Variants in LEO1 observed in about 807,000 individuals in gnomAD.
LEO1 encodes RNA polymerase-associated protein LEO1.
A neutral mutation model predicts 80.4 loss-of-function variants in LEO1; 34 were observed. The observed-to-expected ratio is 0.42, with a 90% CI of 0.32 to 0.56. The LOEUF (loss-of-function observed/expected upper bound fraction) is 0.56, where lower values mean the gene tolerates loss of function less well. Among genes scored for constraint, LEO1 ranks in the 20% least tolerant of loss-of-function variants. The pLI, the probability that LEO1 is intolerant of heterozygous loss-of-function variation, is 0.10. For synonymous variants in LEO1, 262 were observed against 274.9 expected (o/e 0.95, Z 0.46); for missense variants, 631 against 814.2 (o/e 0.77, Z 2.74).
At chr15:51,956,483 ATGCTTTCTATT>A (rs2056990931) in intron 6 of LEO1, among the ~76,000 whole-genome samples, 1 of 152,110 alleles carries the variant, frequency 6.6e-6, no homozygotes, top group South Asian at 2.1e-4. Flanking sequence ...GTTCTAAAAA[ATGCTTTCTATT>A]ATATAAAGTG....
Position 51,966,454 on chromosome 15 carries a change from C to T in LEO1, c.109G>A (p.Gly37Ser). 1 of 1,613,338 alleles carries T rather than the reference C, an allele frequency of 6.2e-7. No homozygotes were observed. The highest frequency in any genetic ancestry group is 1.1e-5 in the South Asian group (1 of 90,980). Residue 37 changes from glycine (G) to serine (S), a missense_variant, in exon 2 of 12, where the codon GGC (glycine) becomes AGC (serine). This residue lies in a region of LEO1 where 394 missense variants were observed against 395.6 expected (regional missense o/e 1.00). Coordinates refer to ENST00000299601, the MANE Select transcript of LEO1 (RefSeq NM_138792.4). Reference sequence around the variant, plus strand: ...CTTTCACTTCCAGAGGCATTACTGCCAGAGGCAGCATTCTCTTGATCAGAA... The same window carrying T: ...CTTTCACTTCCAGAGGCATTACTGCTAGAGGCAGCATTCTCTTGATCAGAA... Reference protein sequence around the residue: ...SDSDQENAASGSNASGSESDQ... With the variant: ...SDSDQENAASSSNASGSESDQ...
intron 6 of LEO1, among the ~76,000 whole-genome samples, chr15:51,956,422 CAAAA>C (rs34613118): frequency 1.3e-5 from 1 of 78,584 alleles, no homozygotes. Flanking sequence ...GACTCCATCT[CAAAA>C]AAAAAAAAAA....
At chr15:51,946,047 AAG>A (rs968606362) in intron 11 of LEO1, among the ~76,000 whole-genome samples, 3 of 152,084 alleles carry the variant, frequency 2.0e-5, no homozygotes, top group African/African-American at 4.8e-5. Context: ...AAAAAAGAAA[AAG>A]AAAAATTCTC....
At chr15:51,951,688 T>A (rs973852028) in intron 9 of LEO1, among the ~76,000 whole-genome samples, 156 bp downstream of exon 9, 1 of 152,210 alleles carries the variant, frequency 6.6e-6, no homozygotes, top group African/African-American at 2.4e-5. Flanking sequence ...TCACCAATTG[T>A]TTGGCAAATG....
rs932797804 is a variant in LEO1, at chr15:51,938,073, G to A, written c.*83C>T. 1.0e-5 allele frequency: 7 copies of A among 667,232 alleles called. No individual in the cohort carries two copies. Among genetic ancestry groups the A allele is most frequent in the East Asian group, 3.0e-5 (1 of 33,808 alleles). The allele number at this position is 667,232 out of a possible 1,614,324, so 41.3% of individuals were successfully genotyped here. The stretch of plus-strand genomic sequence containing the variant: ...AATTAAAATTACACAAAAGCAAATC[G>A]ATTCATTTCAATCAAAATAACTCAT... On this transcript the variant is annotated 3_prime_UTR_variant, in exon 12 of 12. Coordinates refer to ENST00000299601, the MANE Select transcript of LEO1 (RefSeq NM_138792.4).
intron 11 of LEO1, among the ~76,000 whole-genome samples, chr15:51,944,894 T>C (rs4775988): frequency 0.02 from 3,065 of 152,298 alleles, 103 homozygotes; most frequent in Admixed American, 0.076. Context: ...ATTTCAGTGG[T>C]AGAAGCAGGA....
chr15:51,953,152 G>C lies in LEO1; in HGVS notation c.1452C>G (p.Val484=), dbSNP rs777129529. The change falls in exon 8 of 12, where the codon GTC becomes GTG. Residue 484 remains valine, a synonymous_variant. Transcript: ENST00000299601. Reference sequence around the variant, plus strand: ...ACCTGAAGGTGAGTTTCGTTTTAAAGACTGCTTGTCCCTGTAGACCAGTAC... The same window carrying C: ...ACCTGAAGGTGAGTTTCGTTTTAAACACTGCTTGTCCCTGTAGACCAGTAC... ...RQGTGLQGQA[V]FKTKLTFRPH... The C allele has an allele frequency of 5.0e-6, 8 of 1,613,134 alleles. No homozygotes were observed. In the Admixed American group the frequency reaches 1.2e-4, roughly 24 times the overall value.
chr15:51,952,667 AC>A (rs1213587726), intron 8 of LEO1, among the ~76,000 whole-genome samples: 1 of 152,124 alleles, frequency 6.6e-6, no homozygotes. Context: ...TGGGGGACAC[AC>A]CTCTGCAGTG....
intron 6 of LEO1, 32 bp from the exon 7 acceptor site, chr15:51,954,607 A>C: frequency 7.1e-7 from 1 of 1,401,942 alleles, no homozygotes; most frequent in Non-Finnish European, 1.0e-6. Flanking sequence ...TTAGAAAATT[A>C]TAGTTTAAAT....
At chr15:51,970,418 G>A (rs747666266) in intron 1 of LEO1, among the ~76,000 whole-genome samples, 1 of 152,042 alleles carries the variant, frequency 6.6e-6, no homozygotes, top group African/African-American at 2.4e-5. Flanking sequence ...CCGGAACCAG[G>A]AATGTTTACA....
intron 3 of LEO1, among the ~76,000 whole-genome samples, chr15:51,961,782 C>G (rs969681091): frequency 1.3e-5 from 2 of 151,818 alleles, no homozygotes; most frequent in African/African-American, 4.8e-5. Flanking sequence ...AACAAAACAC[C>G]GAGACTGTCA....
intron 3 of LEO1, among the ~76,000 whole-genome samples, chr15:51,961,739 A>C (rs1014591078): frequency 1.5e-4 from 19 of 124,340 alleles, no homozygotes; most frequent in African/African-American, 5.5e-4. Flanking sequence ...CAGCTCAAAG[A>C]ATCAGTTTCT....
Position 51,942,919 on chromosome 15 carries a change from CTCAAAAAAAAAAAAAAAA to C in LEO1, c.1896+4355_1896+4372del, listed in dbSNP as rs2056866320. Among the ~76,000 whole-genome samples, 2 of 129,274 alleles carry C rather than the reference CTCAAAAAAAAAAAAAAAA, an allele frequency of 1.5e-5. 1 individual carries two copies. The highest frequency in any genetic ancestry group is 5.0e-4 in the South Asian group (2 of 3,988). 84.8% of individuals were successfully genotyped at this position (129,274 alleles called of 152,430 possible). On this transcript the variant is annotated intron_variant, in intron 11 of 11. Transcript: ENST00000299601. ...CCTGGGCAACAGAATGAGACTTTGT[CTCAAAAAAAAAAAAAAAA>C]CCAAAAAAAAAACAACAAACAAATT... is the stretch of plus-strand genomic sequence containing the variant.
intron 11 of LEO1, among the ~76,000 whole-genome samples, chr15:51,940,254 CAAAAAAA>C (rs745641318): frequency 1.3e-4 from 5 of 37,928 alleles, no homozygotes; most frequent in South Asian, 1.2e-3. Context: ...GACTCCGTAT[CAAAAAAA>C]AAAAAAAAAA....
chr15:51,944,735 T>A (rs1222736748), intron 11 of LEO1, among the ~76,000 whole-genome samples: 2 of 148,290 alleles, frequency 1.3e-5, no homozygotes, highest in Admixed American at 1.3e-4. Context: ...TAATGATATC[T>A]TCATAATATA....
At chr15:51,964,063 G>A (rs1448676779) in intron 2 of LEO1, among the ~76,000 whole-genome samples, 49 of 151,862 alleles carry the variant, frequency 3.2e-4, no homozygotes, top group African/African-American at 1.0e-3. Context: ...AAAATTAGCC[G>A]GGCGTGGTGG....
intron 11 of LEO1, chr15:51,946,893 A>G (rs2056906075): frequency 6.1e-6 from 1 of 162,612 alleles, no homozygotes; most frequent in Admixed American, 6.5e-5. Context: ...AAGTTTTACA[A>G]AAAGGAGATA....
At chr15:51,952,257 T>G (rs370063765) in intron 8 of LEO1, 27 of 231,660 alleles carry the variant, frequency 1.2e-4, no homozygotes, top group African/African-American at 6.1e-4. Context: ...ATGGATACGC[T>G]CAAGCAACAT....
chr15:51,958,645 T>G, intron 6 of LEO1, 97 bp downstream of exon 6: 3 of 723,492 alleles, frequency 4.1e-6, no homozygotes, highest in Non-Finnish European at 7.4e-6. Flanking sequence ...AGTGAAGTGT[T>G]AGGTAAAAAA....
Sources: gnomAD v4.1 joint callset for allele counts (sites outside exome capture counted in the v4.1 genomes callset) on GRCh38, gnomAD v4.1.1 for gene constraint, gnomAD v4.1.1 regional missense constraint, MANE v1.5 for transcripts, NCBI Gene and HGNC (gene_info 2026-07-23, HGNC 2026-07-21) for gene names.